MAL2: variants seen among roughly 807,000 people sequenced by gnomAD.
MAL2 encodes mal, T cell differentiation protein 2.
A neutral mutation model predicts 18.1 loss-of-function variants in MAL2; 17 were observed. The ratio of observed to expected loss-of-function variants is 0.94; its 90% confidence interval spans 0.64 to 1.41. The LOEUF is 1.41. Ranked by LOEUF, MAL2 falls within the 40% of genes most tolerant of loss-of-function variation. The pLI, the probability that MAL2 is intolerant of heterozygous loss-of-function variation, is 0.00. For synonymous variants in MAL2, 102 were observed against 102.3 expected (o/e 1.00, Z 0.02); for missense variants, 222 against 231.9 (o/e 0.96, Z 0.28).
intron 3 of MAL2, among the ~76,000 whole-genome samples, 191 bp from the exon 4 acceptor site, chr8:119,243,226 G>T (rs1411428780): frequency 1.3e-5 from 2 of 151,546 alleles, no homozygotes; most frequent in Non-Finnish European, 2.9e-5. Flanking sequence ...GAAGGGGGGA[G>T]GGTAATTGTA....
chr8:119,239,510 G>A (rs1267561868), intron 2 of MAL2, among the ~76,000 whole-genome samples: 2 of 151,910 alleles, frequency 1.3e-5, no homozygotes, highest in African/African-American at 4.9e-5. Flanking sequence ...GCAAAGACTT[G>A]GAACCAACCC....
intron 2 of MAL2, among the ~76,000 whole-genome samples, chr8:119,238,888 A>G (rs1288486489): frequency 2.6e-5 from 4 of 151,804 alleles, no homozygotes; most frequent in Non-Finnish European, 4.4e-5. Flanking sequence ...TGTCTAAAAC[A>G]CCAAAAGCAA....
chr8:119,234,428 C>T lies in MAL2; in HGVS notation c.304-5737C>T, dbSNP rs573027910. Among the ~76,000 whole-genome samples, 376 of 152,306 alleles carry T rather than the reference C, an allele frequency of 2.5e-3. 2 individuals are homozygous for T. Among genetic ancestry groups the T allele is most frequent in the Non-Finnish European group, 3.8e-3 (257 of 68,020 alleles). On this transcript the variant is annotated intron_variant, in intron 2 of 3. Transcript: ENST00000614891. ...GGCTTGCTTAGGTAAACAAAGCAGC[C>T]CGGAAGCTCGAACTGGGTGGAGCCC...
intron 2 of MAL2, among the ~76,000 whole-genome samples, chr8:119,229,048 A>C (rs1817653482): frequency 6.6e-6 from 1 of 152,112 alleles, no homozygotes; most frequent in South Asian, 2.1e-4. Context: ...TACTCTGTTT[A>C]TGTGCCCATA....
intron 1 of MAL2, among the ~76,000 whole-genome samples, chr8:119,220,638 T>G (rs1265852015): frequency 1.3e-5 from 2 of 152,182 alleles, no homozygotes; most frequent in African/African-American, 4.8e-5. Flanking sequence ...CACCAGCACA[T>G]GCCCCTCCTG....
At chr8:119,223,439 TATTA>T (rs1817511230) in intron 2 of MAL2, 1 of 152,306 alleles carries the variant, frequency 6.6e-6, no homozygotes, top group East Asian at 1.9e-4. Context: ...TTCATGTCCT[TATTA>T]ATTTATTTGT....
chr8:119,234,488 G>T (rs578248159), intron 2 of MAL2, among the ~76,000 whole-genome samples: 1 of 152,294 alleles, frequency 6.6e-6, no homozygotes, highest in South Asian at 2.1e-4. Context: ...GCCTCTGTAG[G>T]CTCCACCTCT....
At position 119,245,624 on chromosome 8, in the gene MAL2, G is replaced by C. The variant is rs981310671; in HGVS notation, c.*2136G>C. ...AAATCTGGTAACTCCATGATGAAAA[G>C]AAATTTATTTTATACGTGTTATGTC... On this transcript the variant is annotated 3_prime_UTR_variant, in exon 4 of 4. Coordinates refer to ENST00000614891, the MANE Select transcript of MAL2 (RefSeq NM_052886.3). The C allele has an allele frequency of 6.6e-6, 1 of 152,210 alleles. No individual in the cohort carries two copies. Among genetic ancestry groups the C allele is most frequent in the South Asian group, 2.1e-4 (1 of 4,822 alleles). 9.4% of individuals were successfully genotyped at this position (152,210 alleles called of 1,614,324 possible). A position where few individuals can be genotyped will look rare whatever the true frequency, so the allele number is the denominator to read the frequency against.
intron 1 of MAL2, among the ~76,000 whole-genome samples, chr8:119,210,248 A>G (rs896706961): frequency 3.9e-5 from 6 of 152,208 alleles, no homozygotes; most frequent in African/African-American, 1.4e-4. Flanking sequence ...ATGTATGTGT[A>G]TATGTAAATA....
At chr8:119,237,207 C>G (rs1018273251) in intron 2 of MAL2, among the ~76,000 whole-genome samples, 15 of 150,438 alleles carry the variant, frequency 1.0e-4, no homozygotes, top group East Asian at 2.0e-4. Context: ...ATACATTCCT[C>G]GACACATACA....
At position 119,244,922 on chromosome 8, in the gene MAL2, A is replaced by G. The variant is rs1362370744; in HGVS notation, c.*1434A>G. On this transcript the variant is annotated 3_prime_UTR_variant, in exon 4 of 4. Coordinates refer to ENST00000614891, the MANE Select transcript of MAL2 (RefSeq NM_052886.3). ...GGCTTTTGTATTGTTCTACTTTTTC[A>G]GCCCTTTACTTTCTGGCTGAAGCAT... 6.6e-6 allele frequency: 1 copy of G among 152,556 alleles called. No homozygotes were observed. The highest frequency in any genetic ancestry group is 1.5e-5 in the Non-Finnish European group (1 of 68,014). 9.5% of individuals were successfully genotyped at this position (152,556 alleles called of 1,614,324 possible).
chr8:119,240,342 G>A (rs751432464), intron 3 of MAL2, 22 bp downstream of exon 3: 16 of 1,607,378 alleles, frequency 1.0e-5, no homozygotes, highest in Non-Finnish European at 1.4e-5. Flanking sequence ...TATTCAATGA[G>A]TACCATTCAC....
intron 2 of MAL2, among the ~76,000 whole-genome samples, chr8:119,226,720 G>T (rs1817603144): frequency 1.3e-5 from 2 of 152,158 alleles, no homozygotes; most frequent in Admixed American, 1.3e-4. Flanking sequence ...TTTACAAATG[G>T]TGGTCCTGGC....
At chr8:119,223,006 A>G (rs545591578) in intron 2 of MAL2, among the ~76,000 whole-genome samples, 1 of 152,216 alleles carries the variant, frequency 6.6e-6, no homozygotes, top group South Asian at 2.1e-4. Flanking sequence ...AAGTTCAGGA[A>G]GAACCCCCAT....
intron 2 of MAL2, among the ~76,000 whole-genome samples, chr8:119,234,367 C>T (rs947454310): frequency 2.0e-5 from 3 of 152,154 alleles, no homozygotes; most frequent in Admixed American, 6.5e-5. Context: ...TGCAAGGCGG[C>T]AACAAGGCTG....
At chr8:119,240,070 GT>G (rs1414266700) in intron 2 of MAL2, 94 bp from the exon 3 acceptor site, 9 of 1,275,186 alleles carry the variant, frequency 7.1e-6, no homozygotes, top group Admixed American at 4.3e-5. Context: ...TTAATTAAAT[GT>G]TTTGATCTTG....
intron 2 of MAL2, among the ~76,000 whole-genome samples, chr8:119,226,470 A>C (rs1817597677): frequency 8.2e-6 from 1 of 121,548 alleles, no homozygotes; most frequent in Non-Finnish European, 1.6e-5. Flanking sequence ...ACATGGGCTT[A>C]AGACAAGAAT....
In MAL2 at chr8:119,227,800, T is replaced by C. The variant is rs975772422; in HGVS notation, c.303+6043T>C. Among the ~76,000 whole-genome samples, 8 of 152,268 alleles carry C rather than the reference T, an allele frequency of 5.3e-5. No individual in the cohort carries two copies. In the East Asian group the frequency reaches 1.5e-3, roughly 29 times the overall value. Reference sequence around the variant, plus strand: ...ACTTAAAGGAGAGAGGTTAGAGGGATACATGACATCTCCGTTCACTGGAGT... The same window carrying C: ...ACTTAAAGGAGAGAGGTTAGAGGGACACATGACATCTCCGTTCACTGGAGT... On this transcript the variant is annotated intron_variant, in intron 2 of 3. Transcript: ENST00000614891.
At chr8:119,241,705 G>A (rs957205278) in intron 3 of MAL2, among the ~76,000 whole-genome samples, 2 of 152,164 alleles carry the variant, frequency 1.3e-5, no homozygotes, top group Non-Finnish European at 2.9e-5. Context: ...CAATGAATTA[G>A]GCTGAAGGTG....
Sources: allele counts gnomAD v4.1 joint callset (sites outside exome capture counted in the v4.1 genomes callset), GRCh38; gene constraint gnomAD v4.1.1; transcripts MANE v1.5; gene names NCBI Gene and HGNC (gene_info 2026-07-23, HGNC 2026-07-21).